The following PCDHGA1 variants were observed in gnomAD, a reference collection of about 807,000 sequenced individuals.
PCDHGA1 encodes protocadherin gamma subfamily A, 1, also known as protocadherin gamma-A1.
A neutral mutation model predicts 58.0 loss-of-function variants in PCDHGA1; 32 were observed. That is an observed-to-expected ratio of 0.55 (90% CI 0.42 to 0.74). The LOEUF (loss-of-function observed/expected upper bound fraction) is 0.74, where lower values mean the gene tolerates loss of function less well. PCDHGA1 is among the 30% of genes least tolerant of loss of function. The pLI is 0.00. For missense variants in PCDHGA1, 1,205 were observed against 1,182.3 expected (o/e 1.02, Z -0.28); for synonymous variants, 498 against 501.1 (o/e 0.99, Z 0.08).
Position 141,399,638 on chromosome 5 carries a change from G to A in PCDHGA1, c.2421+66533G>A, listed in dbSNP as rs1180030777. The A allele has an allele frequency of 3.7e-6, 6 of 1,613,860 alleles. No individual in the cohort carries two copies. The highest frequency in any genetic ancestry group is 1.3e-5 in the African/African-American group (1 of 75,082). ...GCACTGGCCTCTTACGTGTCCATGAGCGCGCAAAGTGGGGTGGTGTTCGCG... is the reference window on the plus strand; with the variant it reads ...GCACTGGCCTCTTACGTGTCCATGAACGCGCAAAGTGGGGTGGTGTTCGCG... On this transcript the variant is annotated intron_variant, in intron 1 of 3. Coordinates refer to ENST00000517417, the MANE Select transcript of PCDHGA1 (RefSeq NM_018912.3).
chr5:141,366,709 G>A, intron 1 of PCDHGA1: 5 of 1,614,228 alleles, frequency 3.1e-6, no homozygotes, highest in Non-Finnish European at 4.2e-6. Context: ...CTCTTCTGAT[G>A]TCTGATAAGG....
At chr5:141,388,952 G>GGAC in intron 1 of PCDHGA1, 1 of 1,614,022 alleles carries the variant, frequency 6.2e-7, no homozygotes, top group Non-Finnish European at 8.5e-7. Flanking sequence ...TAATTATGGA[G>GGAC]GACGCCGAGC....
In PCDHGA1 at chr5:141,432,212, G is replaced by T. The variant is rs2097468822; in HGVS notation, c.2422-62595G>T. 8 of 1,614,184 alleles carry T rather than the reference G, an allele frequency of 5.0e-6. No homozygotes were observed. In the East Asian group the frequency reaches 1.3e-4, roughly 27 times the overall value. ...CCACGACCCCGACTGTGAAGAGAAC[G>T]CCCAGATCACTTATTCCCTGGCTGA... On this transcript the variant is annotated intron_variant, in intron 1 of 3. Transcript: ENST00000517417. The surrounding 1 kb of genome is among the most constrained non-coding windows in gnomAD (Gnocchi z 6.0).
At position 141,414,245 on chromosome 5, in the gene PCDHGA1, T is replaced by G. The variant is rs760119941; in HGVS notation, c.2422-80562T>G. On this transcript the variant is annotated intron_variant, in intron 1 of 3. Transcript: ENST00000517417. ...CCAGAGCTGACCATCACGTCTCTAT[T>G]TAGTCCAGTGACTGAAGATTCACCT... 49 of 1,613,380 alleles carry G rather than the reference T, an allele frequency of 3.0e-5. 1 individual carries two copies. The highest frequency in any genetic ancestry group is 1.3e-4 in the South Asian group (12 of 90,978).
Position 141,357,750 on chromosome 5 carries a change from A to G in PCDHGA1, c.2421+24645A>G, listed in dbSNP as rs188292079. On this transcript the variant is annotated intron_variant, in intron 1 of 3. Coordinates refer to ENST00000517417, the MANE Select transcript of PCDHGA1 (RefSeq NM_018912.3). ...TTAATATTTTATTGCTTTAAAGAAA[A>G]CTGGTGGATGACCTTCCAATAATGA... 17 of 1,147,492 alleles carry G rather than the reference A, an allele frequency of 1.5e-5. No individual in the cohort carries two copies. The East Asian group carries it at 4.4e-4, about 30-fold the overall frequency. 71.1% of individuals were successfully genotyped at this position (1,147,492 alleles called of 1,614,324 possible).
chr5:141,348,632 T>TA (rs914216504), intron 1 of PCDHGA1, among the ~76,000 whole-genome samples: 4 of 152,168 alleles, frequency 2.6e-5, no homozygotes, highest in African/African-American at 9.7e-5. Flanking sequence ...CTTGTACAGG[T>TA]AATGGAAGGT....
In PCDHGA1 at chr5:141,376,165, G is replaced by A. The variant is rs181247360; in HGVS notation, c.2421+43060G>A. ...ATTCGGACCTCACTCTGTACCTGGT[G>A]GTGGCGGTGGCCGCGGTCTCCTGCG... On this transcript the variant is annotated intron_variant, in intron 1 of 3. Coordinates refer to ENST00000517417, the MANE Select transcript of PCDHGA1 (RefSeq NM_018912.3). 5.0e-5 allele frequency: 80 copies of A among 1,614,136 alleles called. No individual in the cohort carries two copies. In the East Asian group the frequency reaches 1.2e-3, roughly 25 times the overall value.
At chr5:141,351,183 C>T (rs764013850) in intron 1 of PCDHGA1, 14 of 1,613,810 alleles carry the variant, frequency 8.7e-6, no homozygotes, top group East Asian at 2.2e-5. Context: ...TTTGAAGAGA[C>T]AAGTAGATAT....
chr5:141,344,503 C>A (rs1757427506), intron 1 of PCDHGA1: 1 of 1,613,828 alleles, frequency 6.2e-7, no homozygotes, highest in African/African-American at 1.3e-5. Context: ...ATTAAAACTG[C>A]TTTTGACCCA....
At chr5:141,350,411 G>T (rs757842052) in intron 1 of PCDHGA1, 2 of 1,605,198 alleles carry the variant, frequency 1.2e-6, no homozygotes, top group East Asian at 2.2e-5. Flanking sequence ...ACTTGCCAAG[G>T]ATCTGGGGCT....
intron 1 of PCDHGA1, among the ~76,000 whole-genome samples, chr5:141,347,592 C>A (rs1757987474): frequency 6.6e-6 from 1 of 151,958 alleles, no homozygotes; most frequent in Admixed American, 6.6e-5. Context: ...TTCAAGAACA[C>A]CCTGGCCAAC....
intron 1 of PCDHGA1, among the ~76,000 whole-genome samples, chr5:141,354,719 G>A (rs1759615571): frequency 6.6e-6 from 1 of 152,042 alleles, no homozygotes; most frequent in African/African-American, 2.4e-5. Context: ...ATGGGCTGTG[G>A]GGATGAACAA....
At chr5:141,419,155 A>G in intron 1 of PCDHGA1, 1 of 1,613,966 alleles carries the variant, frequency 6.2e-7, no homozygotes, top group Middle Eastern at 1.6e-4. Context: ...AGCCTCCGTT[A>G]TCCTCCAGCA....
intron 1 of PCDHGA1, chr5:141,400,190 T>C: frequency 1.2e-6 from 2 of 1,614,016 alleles, no homozygotes; most frequent in Non-Finnish European, 1.7e-6. Context: ...CAGTTTTACC[T>C]AGTGGTGGCC....
chr5:141,388,663 C>A (rs770660956), intron 1 of PCDHGA1: 1 of 1,613,928 alleles, frequency 6.2e-7, no homozygotes, highest in Non-Finnish European at 8.5e-7. Context: ...CCGGGGACCA[C>A]GGTGCTACAG....
chr5:141,485,357 C>T lies in PCDHGA1; in HGVS notation c.2422-9450C>T. ...GCTGGATACGGACAGTCTGTCAGCT[C>T]GCAGGCTGCAGGTCGCTGGAGAGGT... On this transcript the variant is annotated intron_variant, in intron 1 of 3. Transcript: ENST00000517417. The surrounding 1 kb of genome is among the most constrained non-coding windows in gnomAD (Gnocchi z 5.7). 1.2e-6 allele frequency: 2 copies of T among 1,614,084 alleles called. No individual in the cohort carries two copies. The highest frequency in any genetic ancestry group is 1.1e-5 in the South Asian group (1 of 91,070).
At chr5:141,346,047 C>G (rs1246037325) in intron 1 of PCDHGA1, 1 of 1,613,516 alleles carries the variant, frequency 6.2e-7, no homozygotes, top group Non-Finnish European at 8.5e-7. Flanking sequence ...CCCCGACATC[C>G]TGGCCGACCT....
rs751438267 is a variant in PCDHGA1, at chr5:141,331,763, T to C, written c.1079T>C (p.Phe360Ser). 1.9e-6 allele frequency: 3 copies of C among 1,614,144 alleles called. No individual in the cohort carries two copies. The Admixed American group carries it at 5.0e-5, about 27-fold the overall frequency. The change falls in exon 1 of 4, where the codon TTT becomes TCT. Residue 360 changes from phenylalanine (F) to serine (S), a missense_variant. By Grantham distance (155) the Phe-to-Ser change is radical. Coordinates refer to ENST00000517417, the MANE Select transcript of PCDHGA1 (RefSeq NM_018912.3). The part of the protein sequence containing the change: ...TSVTTAVPEN[F>S]PPGTIIALIS... The stretch of plus-strand genomic sequence containing the variant: ...GTCACCACTGCAGTTCCAGAAAACT[T>C]TCCTCCTGGGACCATAATTGCTCTT...
At chr5:141,444,788 G>T (rs775248284) in intron 1 of PCDHGA1, among the ~76,000 whole-genome samples, 59 of 151,920 alleles carry the variant, frequency 3.9e-4, no homozygotes, top group Non-Finnish European at 5.7e-4. Context: ...TGTTTCATTT[G>T]TCTATTCTTT....
Sources: allele counts gnomAD v4.1 joint callset (sites outside exome capture counted in the v4.1 genomes callset), GRCh38; gene constraint gnomAD v4.1.1; non-coding constraint Gnocchi (gnomAD v3.1); transcripts MANE v1.5; gene names NCBI Gene and HGNC (gene_info 2026-07-23, HGNC 2026-07-21).